The following CCSER1 variants were observed in gnomAD, a reference collection of about 807,000 sequenced individuals.
CCSER1 encodes the protein serine-rich coiled-coil domain-containing protein 1.
CCSER1 carries 41 observed loss-of-function variants against 82.0 expected under a neutral mutation model. The observed-to-expected ratio is 0.50, with a 90% CI of 0.39 to 0.65. The LOEUF is 0.65. CCSER1 is among the 30% of genes least tolerant of loss of function. The pLI, the probability that CCSER1 is intolerant of heterozygous loss-of-function variation, is 0.00. For synonymous variants in CCSER1, 414 were observed against 383.9 expected (o/e 1.08, Z -0.92); for missense variants, 1,119 against 1,064.2 (o/e 1.05, Z -0.72).
chr4:90,860,096 C>T (rs1179343758), intron 8 of CCSER1, among the ~76,000 whole-genome samples: 2 of 151,590 alleles, frequency 1.3e-5, no homozygotes, highest in African/African-American at 4.8e-5. Flanking sequence ...GTTTGAAAAT[C>T]ATGTATCTGA....
intron 9 of CCSER1, among the ~76,000 whole-genome samples, chr4:90,995,452 A>G (rs1194967115): frequency 6.6e-6 from 1 of 152,116 alleles, no homozygotes; most frequent in Non-Finnish European, 1.5e-5. Context: ...TTTAGCCCAT[A>G]GTAATTACAT....
At chr4:90,341,186 A>G (rs1741312558) in intron 3 of CCSER1, among the ~76,000 whole-genome samples, 1 of 152,108 alleles carries the variant, frequency 6.6e-6, no homozygotes. Flanking sequence ...CTGTTTCCTC[A>G]TAGATAAATT....
chr4:91,174,077 A>G (rs1319848211), intron 10 of CCSER1, among the ~76,000 whole-genome samples: 1 of 152,194 alleles, frequency 6.6e-6, no homozygotes, highest in Non-Finnish European at 1.5e-5. Flanking sequence ...CCATTAACTG[A>G]AGGGATCTTG....
intron 10 of CCSER1, among the ~76,000 whole-genome samples, chr4:91,144,777 T>C (rs896188479): frequency 1.3e-5 from 2 of 152,090 alleles, no homozygotes; most frequent in African/African-American, 4.8e-5. Context: ...GTTTTTCAGA[T>C]GCTCTTCATA....
At chr4:91,319,110 G>A (rs766504940) in intron 10 of CCSER1, 35 of 278,382 alleles carry the variant, frequency 1.3e-4, no homozygotes, top group Non-Finnish European at 2.5e-4. Context: ...AAGACAGACG[G>A]TATCAGCTTC....
At chr4:91,515,836 T>C (rs1001779905) in intron 10 of CCSER1, among the ~76,000 whole-genome samples, 1 of 151,172 alleles carries the variant, frequency 6.6e-6, no homozygotes, top group African/African-American at 2.4e-5. Context: ...TAAGCATTCC[T>C]TTTTCTCTGC....
At chr4:90,467,710 A>AT (rs1322884107) in intron 4 of CCSER1, among the ~76,000 whole-genome samples, 1 of 152,136 alleles carries the variant, frequency 6.6e-6, no homozygotes, top group South Asian at 2.1e-4. Flanking sequence ...CAAAAAAAAA[A>AT]AGAAAAGAAT....
intron 6 of CCSER1, among the ~76,000 whole-genome samples, chr4:90,661,834 C>T (rs1245916330): frequency 6.6e-6 from 1 of 151,468 alleles, no homozygotes; most frequent in Non-Finnish European, 1.5e-5. Flanking sequence ...CACAATTCCA[C>T]AAGTATCAGA....
At chr4:91,095,801 C>A (rs1332373398) in intron 10 of CCSER1, among the ~76,000 whole-genome samples, 1 of 151,958 alleles carries the variant, frequency 6.6e-6, no homozygotes. Context: ...ATCGTTTTAA[C>A]CTCTCCATAT....
chr4:90,411,487 G>A (rs532164017), intron 4 of CCSER1, among the ~76,000 whole-genome samples: 4 of 152,218 alleles, frequency 2.6e-5, no homozygotes, highest in East Asian at 3.9e-4. Context: ...ATCAATAAAC[G>A]TAATCCAGCA....
At chr4:91,331,249 T>A (rs188933156) in intron 10 of CCSER1, among the ~76,000 whole-genome samples, 4 of 152,298 alleles carry the variant, frequency 2.6e-5, no homozygotes, top group African/African-American at 4.8e-5. Context: ...TTCTTTAATA[T>A]CCTTGTCAGA....
intron 8 of CCSER1, among the ~76,000 whole-genome samples, chr4:90,897,418 C>G (rs143044880): frequency 6.6e-6 from 1 of 152,012 alleles, no homozygotes; most frequent in East Asian, 1.9e-4. Context: ...AGTTACTTCA[C>G]TTAGGATAAT....
chr4:91,538,507 C>G (rs1761412164), intron 10 of CCSER1, among the ~76,000 whole-genome samples: 1 of 151,348 alleles, frequency 6.6e-6, no homozygotes. Context: ...GGCTCTCTCT[C>G]AGGCTTAGAA....
At chr4:91,140,566 A>G (rs1260086842) in intron 10 of CCSER1, among the ~76,000 whole-genome samples, 2 of 152,144 alleles carry the variant, frequency 1.3e-5, no homozygotes, top group African/African-American at 4.8e-5. Flanking sequence ...AGAAAGTATT[A>G]ATTCATTATG....
intron 10 of CCSER1, among the ~76,000 whole-genome samples, chr4:91,275,272 T>C (rs1336327095): frequency 6.6e-6 from 1 of 152,096 alleles, no homozygotes; most frequent in African/African-American, 2.4e-5. Context: ...AGAGTTCCCT[T>C]TTCTTTGCAT....
chr4:91,404,169 C>A (rs765835791), intron 10 of CCSER1, among the ~76,000 whole-genome samples: 1 of 152,100 alleles, frequency 6.6e-6, no homozygotes. Flanking sequence ...TCTAGATTTT[C>A]TAGTTTCTTT....
At chr4:91,262,324 AG>A (rs1433841537) in intron 10 of CCSER1, among the ~76,000 whole-genome samples, 4 of 152,108 alleles carry the variant, frequency 2.6e-5, no homozygotes, top group African/African-American at 9.7e-5. Context: ...AATACATGTT[AG>A]TAACTATCAT....
At chr4:90,924,756 T>A (rs1457741527) in intron 9 of CCSER1, among the ~76,000 whole-genome samples, 1 of 152,182 alleles carries the variant, frequency 6.6e-6, no homozygotes. Context: ...AGATGGAGTC[T>A]CACTCTGTTG....
chr4:90,457,323 C>A (rs1762307821), intron 4 of CCSER1, among the ~76,000 whole-genome samples: 1 of 152,162 alleles, frequency 6.6e-6, no homozygotes, highest in Non-Finnish European at 1.5e-5. Flanking sequence ...TTTCTCTCCT[C>A]TTTTCTCTCT....
Sources: gnomAD v4.1 joint callset for allele counts (sites outside exome capture counted in the v4.1 genomes callset) on GRCh38, gnomAD v4.1.1 for gene constraint, MANE v1.5 for transcripts, NCBI Gene and HGNC (gene_info 2026-07-23, HGNC 2026-07-21) for gene names.